ATG4B: variants seen among roughly 807,000 people sequenced by gnomAD.
ATG4B encodes the protein autophagy related 4B cysteine peptidase.
Under a neutral mutation model 56.6 loss-of-function variants are expected in ATG4B, and 29 were observed. The observed-to-expected ratio is 0.51, with a 90% CI of 0.38 to 0.70. The LOEUF is 0.70. Among genes scored for constraint, ATG4B ranks in the 30% least tolerant of loss-of-function variants. The probability of loss-of-function intolerance (pLI) is 0.00; values close to 1 mark genes in which losing one functional copy is unlikely to be tolerated. For missense variants in ATG4B, 461 were observed against 515.5 expected (o/e 0.89, Z 1.02); for synonymous variants, 224 against 206.1 (o/e 1.09, Z -0.74).
chr2:241,663,997 A>G lies in ATG4B; in HGVS notation c.539-2648A>G, dbSNP rs1354433440. Among the ~76,000 whole-genome samples, 4 of 152,040 alleles carry G rather than the reference A, an allele frequency of 2.6e-5. No homozygotes were observed. The East Asian group carries it at 5.8e-4, about 22-fold the overall frequency. ...GCTAATTTTTTGTATTTTAGTGGAG[A>G]TGGGGTTTCACCATATTTCACCATG... On this transcript the variant is annotated intron_variant, in intron 7 of 12. Transcript: ENST00000404914.
Position 241,668,102 on chromosome 2 carries a change from T to C in ATG4B, c.733-41T>C, listed in dbSNP as rs769134777. The C allele has an allele frequency of 1.1e-5, 17 of 1,553,690 alleles. No homozygotes were observed. The highest frequency in any genetic ancestry group is 1.4e-5 in the Non-Finnish European group (16 of 1,147,904). ...GGCAGTGGGTGGGGGGACCGTCTGC[T>C]CCCACCTGGGACCTGTGCTCAGTCC... On this transcript the variant is annotated intron_variant, in intron 8 of 12. Transcript: ENST00000404914. This position sits in a 1 kb window ranked among gnomAD's most constrained non-coding sequence, Gnocchi z 4.2.
At chr2:241,643,859 G>A (rs1380653347) in intron 1 of ATG4B, among the ~76,000 whole-genome samples, 3 of 151,796 alleles carry the variant, frequency 2.0e-5, no homozygotes, top group Non-Finnish European at 2.9e-5. Flanking sequence ...CACTGCACCC[G>A]GCGAGTGGAT....
chr2:241,660,354 A>G (rs6747920), intron 7 of ATG4B, among the ~76,000 whole-genome samples: 143,120 of 152,236 alleles, frequency 0.94, 67,391 homozygotes, highest in East Asian at 1. Flanking sequence ...CTGTTTCTTC[A>G]TCGTCTGGCC....
intron 1 of ATG4B, among the ~76,000 whole-genome samples, chr2:241,645,567 C>G (rs1168802800): frequency 6.6e-6 from 1 of 152,216 alleles, no homozygotes; most frequent in Non-Finnish European, 1.5e-5. Flanking sequence ...TGCACCTTGA[C>G]TTGTCCGTTT....
intron 7 of ATG4B, among the ~76,000 whole-genome samples, chr2:241,661,295 T>G (rs899124451): frequency 6.6e-6 from 1 of 152,198 alleles, no homozygotes; most frequent in African/African-American, 2.4e-5. Flanking sequence ...GGCATCCACA[T>G]CCAGCCAGCA....
chr2:241,652,071 A>G (rs1452359194), intron 3 of ATG4B: 1 of 857,692 alleles, frequency 1.2e-6, no homozygotes, highest in Non-Finnish European at 1.7e-6. Flanking sequence ...AGTGAGGTGG[A>G]AGTCAAATAG....
chr2:241,643,546 A>G (rs2067965357), intron 1 of ATG4B, among the ~76,000 whole-genome samples: 1 of 149,662 alleles, frequency 6.7e-6, no homozygotes, highest in South Asian at 2.1e-4. Context: ...CATTACCTGG[A>G]AGTCTAGAGA....
At chr2:241,667,034 C>G (rs1161528780) in intron 8 of ATG4B, among the ~76,000 whole-genome samples, 196 bp downstream of exon 8, 1 of 152,190 alleles carries the variant, frequency 6.6e-6, no homozygotes, top group Non-Finnish European at 1.5e-5. Context: ...GTGCTGCTTT[C>G]GTTCTGCAAG....
At chr2:241,643,482 C>T (rs1559247715) in intron 1 of ATG4B, among the ~76,000 whole-genome samples, 1 of 149,858 alleles carries the variant, frequency 6.7e-6, no homozygotes, top group Non-Finnish European at 1.5e-5. Context: ...GCTGGGATTA[C>T]AGGCATGAGC....
At chr2:241,657,945 G>A (rs1300273402) in intron 6 of ATG4B, among the ~76,000 whole-genome samples, 2 of 152,172 alleles carry the variant, frequency 1.3e-5, no homozygotes, top group Non-Finnish European at 2.9e-5. Context: ...CTTTGCATGT[G>A]TGGTGCCTGG....
chr2:241,669,673 A>G (rs1271184498), intron 10 of ATG4B, among the ~76,000 whole-genome samples: 2 of 152,036 alleles, frequency 1.3e-5, no homozygotes, highest in East Asian at 3.9e-4. Flanking sequence ...ACGCCTGGCT[A>G]ATTTTCTGTA....
At chr2:241,664,567 C>A (rs1472700359) in intron 7 of ATG4B, among the ~76,000 whole-genome samples, 1 of 151,966 alleles carries the variant, frequency 6.6e-6, no homozygotes, top group Admixed American at 6.6e-5. Flanking sequence ...AAACAACTCC[C>A]TTAAGGCTGG....
chr2:241,671,731 G>A (rs1282746454), intron 12 of ATG4B: 3 of 1,311,240 alleles, frequency 2.3e-6, no homozygotes, highest in South Asian at 1.5e-5. Context: ...CTGGGTGGGG[G>A]ACTGGTTCAC....
intron 1 of ATG4B, among the ~76,000 whole-genome samples, chr2:241,646,102 G>A (rs2068053164): frequency 6.6e-6 from 1 of 152,190 alleles, no homozygotes; most frequent in Non-Finnish European, 1.5e-5. Context: ...AGGTGTGGTG[G>A]TGTATTTGAA....
intron 7 of ATG4B, among the ~76,000 whole-genome samples, chr2:241,662,420 G>T (rs181102053): frequency 2.0e-5 from 3 of 152,186 alleles, no homozygotes; most frequent in Admixed American, 2.0e-4. Context: ...AGTTGTCATT[G>T]ATAGAGAAAT....
intron 6 of ATG4B, among the ~76,000 whole-genome samples, chr2:241,656,980 T>C (rs1402065754): frequency 6.8e-6 from 1 of 147,652 alleles, no homozygotes; most frequent in African/African-American, 2.5e-5. Context: ...CTCTTTTTTC[T>C]TTTTTTTTGA....
intron 10 of ATG4B, among the ~76,000 whole-genome samples, chr2:241,669,506 T>G (rs1216710386): frequency 1.7e-5 from 1 of 58,266 alleles, no homozygotes; most frequent in Non-Finnish European, 4.3e-5. Context: ...CTCACACTTT[T>G]TGTTTGTTTG....
chr2:241,660,707 T>G (rs982128903), intron 7 of ATG4B, among the ~76,000 whole-genome samples: 5 of 152,154 alleles, frequency 3.3e-5, no homozygotes, highest in African/African-American at 1.2e-4. Context: ...AAAACTTACA[T>G]AGTTTCCTAA....
chr2:241,660,647 A>G (rs942248152), intron 7 of ATG4B, among the ~76,000 whole-genome samples: 1 of 152,248 alleles, frequency 6.6e-6, no homozygotes, highest in Admixed American at 6.5e-5. Flanking sequence ...GAAATAACTC[A>G]TATGAGCATT....
Sources: gnomAD v4.1 joint callset for allele counts (sites outside exome capture counted in the v4.1 genomes callset) on GRCh38, gnomAD v4.1.1 for gene constraint, Gnocchi (gnomAD v3.1) non-coding constraint, MANE v1.5 for transcripts, NCBI Gene and HGNC (gene_info 2026-07-23, HGNC 2026-07-21) for gene names.